DPF3: variants seen among roughly 807,000 people sequenced by gnomAD.
The protein encoded by DPF3 is double PHD fingers 3.
A neutral mutation model predicts 56.8 loss-of-function variants in DPF3; 18 were observed. The observed-to-expected ratio is 0.32, with a 90% CI of 0.22 to 0.47. The LOEUF is 0.47. DPF3 is among the 20% of genes least tolerant of loss of function. The pLI, the probability that DPF3 is intolerant of heterozygous loss-of-function variation, is 1.00. For missense variants in DPF3, 403 were observed against 488.8 expected, an observed-to-expected ratio of 0.82 and a Z score of 1.65; for synonymous variants, 188 against 180.2, an observed-to-expected ratio of 1.04 and a Z score of -0.35.
intron 8 of DPF3, among the ~76,000 whole-genome samples, chr14:72,634,076 G>A (rs140874297): frequency 2.0e-5 from 3 of 152,144 alleles, no homozygotes; most frequent in Non-Finnish European, 2.9e-5. Flanking sequence ...TCAAGCCCCC[G>A]ACAAAATGCA....
At chr14:72,773,914 A>C (rs1259188522) in intron 1 of DPF3, 1 of 455,596 alleles carries the variant, frequency 2.2e-6, no homozygotes. Flanking sequence ...CTGTCAGTGG[A>C]TATCTGGGTT....
At chr14:72,829,822 C>T (rs997958398) in intron 1 of DPF3, among the ~76,000 whole-genome samples, 1 of 151,142 alleles carries the variant, frequency 6.6e-6, no homozygotes, top group African/African-American at 2.4e-5. Context: ...CTGCTCATTG[C>T]AACCTCACCT....
intron 8 of DPF3, among the ~76,000 whole-genome samples, chr14:72,647,560 A>C (rs565796301): frequency 2.4e-4 from 37 of 152,372 alleles, no homozygotes; most frequent in African/African-American, 8.4e-4. Flanking sequence ...AGGATTAAAA[A>C]CAAACACAAA....
rs576021276 is a variant in DPF3, at chr14:72,820,463, GT to G, written c.33-48571del. ...GTTTTTTGCTTTGATGATAATTTTT[GT>G]TTTGTTTTTACTTTAATGATAATAC... is the stretch of plus-strand genomic sequence containing the variant. On this transcript the variant is annotated intron_variant, in intron 1 of 10. Transcript: ENST00000556509. Among the ~76,000 whole-genome samples the G allele has an allele frequency of 9.9e-5, 15 of 152,108 alleles. No individual in the cohort carries two copies. In the East Asian group the frequency reaches 2.9e-3, roughly 29 times the overall value.
chr14:72,652,011 A>G (rs774487674), intron 8 of DPF3, among the ~76,000 whole-genome samples: 4 of 152,158 alleles, frequency 2.6e-5, no homozygotes, highest in Non-Finnish European at 4.4e-5. Context: ...GCACATGTGC[A>G]TTTTCCTGAT....
chr14:72,773,670 C>G (rs1283398539), intron 1 of DPF3: 1 of 375,312 alleles, frequency 2.7e-6, no homozygotes, highest in Non-Finnish European at 5.2e-6. Flanking sequence ...CTTTCTATCT[C>G]TATGATTCTG....
intron 1 of DPF3, among the ~76,000 whole-genome samples, chr14:72,799,736 T>C (rs553118206): frequency 6.6e-6 from 1 of 152,244 alleles, no homozygotes; most frequent in Non-Finnish European, 1.5e-5. Context: ...GCAGGCAAAT[T>C]AGAGTCAATC....
intron 1 of DPF3, among the ~76,000 whole-genome samples, chr14:72,824,976 C>T (rs1458685413): frequency 6.6e-6 from 1 of 152,098 alleles, no homozygotes; most frequent in Non-Finnish European, 1.5e-5. Flanking sequence ...AAACCTCCAC[C>T]TCCCGGATTC....
rs1389709813 is a variant in DPF3, at chr14:72,616,409, G to A, written c.*2888C>T. Reference sequence around the variant, plus strand: ...CACCTCCACCCCACAGCCCATGCAAGTCATGATTTCCTTGGTCGCAGCCCA... The same window carrying A: ...CACCTCCACCCCACAGCCCATGCAAATCATGATTTCCTTGGTCGCAGCCCA... On this transcript the variant is annotated 3_prime_UTR_variant, in exon 11 of 11. Transcript: ENST00000556509. 1.3e-5 allele frequency among the ~76,000 whole-genome samples: 2 copies of A among 152,126 alleles called. No homozygotes were observed. Among genetic ancestry groups the A allele is most frequent in the African/African-American group, 4.8e-5 (2 of 41,406 alleles).
chr14:72,726,561 G>C (rs192667289), intron 4 of DPF3, among the ~76,000 whole-genome samples: 8 of 152,268 alleles, frequency 5.3e-5, no homozygotes, highest in Admixed American at 4.6e-4. Flanking sequence ...CATTTCCTGC[G>C]ATGCGGCCCT....
chr14:72,842,037 T>C (rs1233128387), intron 1 of DPF3, among the ~76,000 whole-genome samples: 2 of 149,882 alleles, frequency 1.3e-5, no homozygotes, highest in Non-Finnish European at 3.0e-5. Context: ...CAAGGAGCTA[T>C]GATTATACCA....
chr14:72,627,142 T>C (rs978758538), intron 9 of DPF3, among the ~76,000 whole-genome samples: 1 of 152,112 alleles, frequency 6.6e-6, no homozygotes, highest in Non-Finnish European at 1.5e-5. Flanking sequence ...TTTTTGACTA[T>C]GCAAAATGTT....
chr14:72,837,547 G>A (rs1884350553), intron 1 of DPF3, among the ~76,000 whole-genome samples: 1 of 151,976 alleles, frequency 6.6e-6, no homozygotes, highest in South Asian at 2.1e-4. Flanking sequence ...AGACCAGCCT[G>A]GCCAACATGG....
rs1449254074 is a variant in DPF3, at chr14:72,680,867, C to T, written c.743-6499G>A. On this transcript the variant is annotated intron_variant, in intron 7 of 10. Transcript: ENST00000556509. ...TTGCCGATCTAGAGGCAAGAGAACA[C>T]GCTAGGTGATGTCCTGAGGTCCCTT... is the stretch of plus-strand genomic sequence containing the variant. Among the ~76,000 whole-genome samples the T allele has an allele frequency of 2.6e-5, 4 of 152,342 alleles. No homozygotes were observed. The South Asian group carries it at 6.2e-4, about 24-fold the overall frequency.
intron 1 of DPF3, among the ~76,000 whole-genome samples, chr14:72,834,390 G>A (rs1237501605): frequency 1.1e-4 from 16 of 151,412 alleles, no homozygotes; most frequent in African/African-American, 3.2e-4. Context: ...CCAGCTATTC[G>A]GGAGGCTGAG....
chr14:72,638,333 G>A (rs868729891), intron 8 of DPF3, among the ~76,000 whole-genome samples: 1 of 152,306 alleles, frequency 6.6e-6, no homozygotes, highest in South Asian at 2.1e-4. Context: ...GACATTTGCT[G>A]TGCATTCCAG....
intron 8 of DPF3, among the ~76,000 whole-genome samples, chr14:72,649,574 G>A (rs1206126013): frequency 1.4e-5 from 2 of 140,488 alleles, no homozygotes; most frequent in Non-Finnish European, 3.0e-5. Flanking sequence ...AGAGATTTTG[G>A]TTCTTGCTTA....
At chr14:72,624,814 T>C (rs1166530701) in intron 9 of DPF3, among the ~76,000 whole-genome samples, 3 of 152,248 alleles carry the variant, frequency 2.0e-5, no homozygotes, top group South Asian at 2.1e-4. Flanking sequence ...TCAATTTCAG[T>C]TGGATCTTTT....
intron 1 of DPF3, among the ~76,000 whole-genome samples, chr14:72,868,207 T>A (rs1244277426): frequency 2.0e-5 from 3 of 152,122 alleles, no homozygotes; most frequent in Admixed American, 2.0e-4. Flanking sequence ...GAAAGAGGTA[T>A]GAAGGAAGAA....
Sources: gnomAD v4.1 joint callset for allele counts (sites outside exome capture counted in the v4.1 genomes callset) on GRCh38, gnomAD v4.1.1 for gene constraint, MANE v1.5 for transcripts, NCBI Gene and HGNC (gene_info 2026-07-23, HGNC 2026-07-21) for gene names.